Variants in CCDC170 observed in about 807,000 individuals in gnomAD.
CCDC170 encodes the protein coiled-coil domain-containing protein 170.
Under a neutral mutation model 72.6 loss-of-function variants are expected in CCDC170, and 69 were observed. The observed-to-expected ratio is 0.95, with a 90% CI of 0.78 to 1.16. CCDC170 has a LOEUF of 1.16. CCDC170 is among the 50% of genes most tolerant of loss of function. The pLI, the probability that CCDC170 is intolerant of heterozygous loss-of-function variation, is 0.00. For synonymous variants in CCDC170, 300 were observed against 303.9 expected (o/e 0.99, Z 0.13); for missense variants, 852 against 832.5 (o/e 1.02, Z -0.29).
At chr6:151,509,707 T>C (rs1782120821) in intron 1 of CCDC170, among the ~76,000 whole-genome samples, 1 of 152,196 alleles carries the variant, frequency 6.6e-6, no homozygotes, top group South Asian at 2.1e-4. Flanking sequence ...TAACATTACT[T>C]ATGGAAATGC....
chr6:151,543,593 G>A (rs992077711), intron 3 of CCDC170, among the ~76,000 whole-genome samples: 1 of 152,056 alleles, frequency 6.6e-6, no homozygotes, highest in Non-Finnish European at 1.5e-5. Context: ...TAAGTTTATA[G>A]CCATTGACTC....
intron 7 of CCDC170, among the ~76,000 whole-genome samples, chr6:151,588,851 G>A (rs1322714305): frequency 6.6e-6 from 1 of 152,096 alleles, no homozygotes; most frequent in Non-Finnish European, 1.5e-5. Context: ...TGAGATGGGA[G>A]GATAGCTTGA....
At chr6:151,613,367 C>A (rs1235304434) in intron 9 of CCDC170, among the ~76,000 whole-genome samples, 2 of 152,206 alleles carry the variant, frequency 1.3e-5, no homozygotes, top group Non-Finnish European at 1.5e-5. Context: ...TGTGCCACTG[C>A]ACTCCAGCCT....
chr6:151,598,506 G>A (rs2115122621), intron 9 of CCDC170, among the ~76,000 whole-genome samples: 1 of 152,282 alleles, frequency 6.6e-6, no homozygotes, highest in South Asian at 2.1e-4. Flanking sequence ...TGGCCCAATA[G>A]CAGCTACAGC....
At chr6:151,560,285 T>C in intron 5 of CCDC170, among the ~76,000 whole-genome samples, 1 of 152,150 alleles carries the variant, frequency 6.6e-6, no homozygotes, top group East Asian at 1.9e-4. Context: ...TTTTTCTTGG[T>C]GTTGATTTCT....
In CCDC170 at chr6:151,585,964, G is replaced by A; in HGVS notation, c.1168G>A (p.Ala390Thr). 1 of 1,614,062 alleles carries A rather than the reference G, an allele frequency of 6.2e-7. No individual in the cohort carries two copies. The highest frequency in any genetic ancestry group is 8.5e-7 in the Non-Finnish European group (1 of 1,179,976). The change falls in exon 7 of 11, where the codon GCT becomes ACT. Residue 390 changes from alanine (A) to threonine (T), a missense_variant. Ala to Thr is a moderately conservative substitution (Grantham distance 58). Transcript: ENST00000239374. ...LGKESGFHQK[A>T]LQRAQKAENM... ...AAAGGAGTCTGGGTTTCACCAGAAA[G>A]CTCTCCAGAGGGCCCAGAAAGCAGA...
At chr6:151,558,613 A>T (rs1006502481) in intron 5 of CCDC170, among the ~76,000 whole-genome samples, 3 of 152,100 alleles carry the variant, frequency 2.0e-5, no homozygotes, top group Non-Finnish European at 4.4e-5. Context: ...CTGCATATGG[A>T]TGTCTAGTTT....
At chr6:151,568,104 T>TTAA (rs1384354803) in intron 5 of CCDC170, among the ~76,000 whole-genome samples, 1 of 26,200 alleles carries the variant, frequency 3.8e-5, no homozygotes, top group African/African-American at 2.7e-4. Flanking sequence ...AGTGAGACTC[T>TTAA]GAAAAAAAAA....
intron 5 of CCDC170, among the ~76,000 whole-genome samples, chr6:151,563,663 G>T (rs989788290): frequency 6.6e-6 from 1 of 152,126 alleles, no homozygotes; most frequent in Non-Finnish European, 1.5e-5. Flanking sequence ...GTGTGGGCAC[G>T]TCTGTGTGAG....
At chr6:151,567,035 C>T (rs974856402) in intron 5 of CCDC170, among the ~76,000 whole-genome samples, 1 of 152,144 alleles carries the variant, frequency 6.6e-6, no homozygotes, top group Non-Finnish European at 1.5e-5. Context: ...ATTCTCCTGC[C>T]TCAGCTTCCC....
chr6:151,524,295 G>A (rs577057758), intron 1 of CCDC170, among the ~76,000 whole-genome samples: 1 of 152,280 alleles, frequency 6.6e-6, no homozygotes, highest in East Asian at 1.9e-4. Flanking sequence ...ATTCATCTGA[G>A]GACCCACCCT....
intron 9 of CCDC170, among the ~76,000 whole-genome samples, chr6:151,611,903 G>T (rs1454809782): frequency 1.3e-5 from 2 of 151,980 alleles, no homozygotes; most frequent in African/African-American, 4.8e-5. Context: ...TAGAGATGGG[G>T]TTTCACTATC....
chr6:151,525,534 C>T (rs892441203), intron 1 of CCDC170, among the ~76,000 whole-genome samples: 10 of 152,126 alleles, frequency 6.6e-5, no homozygotes, highest in Admixed American at 6.5e-4. Context: ...TAAGAAGGTA[C>T]TTTGTAATAT....
chr6:151,591,564 G>A lies in CCDC170; in HGVS notation c.1294-1543G>A, dbSNP rs551973467. Among the ~76,000 whole-genome samples, 7 of 151,816 alleles carry A rather than the reference G, an allele frequency of 4.6e-5. No homozygotes were observed. In the East Asian group the frequency reaches 9.7e-4, roughly 21 times the overall value. On this transcript the variant is annotated intron_variant, in intron 7 of 10. Coordinates refer to ENST00000239374, the MANE Select transcript of CCDC170 (RefSeq NM_025059.4). ...GGCTGGAGTGCGGTGGTGCAATCTC[G>A]GCTTACTATAAGCTCCGCCTCCCAG...
At chr6:151,503,192 T>A (rs1029296468) in intron 1 of CCDC170, among the ~76,000 whole-genome samples, 2 of 151,930 alleles carry the variant, frequency 1.3e-5, no homozygotes, top group Non-Finnish European at 2.9e-5. Flanking sequence ...AAAAGTTATA[T>A]CCTGGTGTGA....
intron 7 of CCDC170, among the ~76,000 whole-genome samples, chr6:151,587,948 C>G (rs1776478592): frequency 6.6e-6 from 1 of 152,016 alleles, no homozygotes; most frequent in Middle Eastern, 3.4e-3. Context: ...GAATTTGAGG[C>G]AGAAAGAATA....
At chr6:151,582,128 A>G (rs1776386010) in intron 6 of CCDC170, among the ~76,000 whole-genome samples, 1 of 152,248 alleles carries the variant, frequency 6.6e-6, no homozygotes, top group South Asian at 2.1e-4. Context: ...CTTTGAAGGC[A>G]GGCATTGACT....
intron 9 of CCDC170, among the ~76,000 whole-genome samples, chr6:151,600,051 A>G (rs748204347): frequency 3.9e-5 from 6 of 152,202 alleles, no homozygotes; most frequent in African/African-American, 4.8e-5. Context: ...TACACATTTC[A>G]AAGGAATGTT....
At chr6:151,505,027 G>C (rs1782047202) in intron 1 of CCDC170, among the ~76,000 whole-genome samples, 1 of 152,086 alleles carries the variant, frequency 6.6e-6, no homozygotes, top group Non-Finnish European at 1.5e-5. Context: ...AGTGATTTGT[G>C]TGTCAAGGCC....
Sources: allele counts gnomAD v4.1 joint callset (sites outside exome capture counted in the v4.1 genomes callset), GRCh38; gene constraint gnomAD v4.1.1; transcripts MANE v1.5; gene names NCBI Gene and HGNC (gene_info 2026-07-23, HGNC 2026-07-21).